Variants in BCAR3 observed in about 807,000 individuals in gnomAD.
BCAR3 encodes the protein breast cancer anti-estrogen resistance protein 3.
A neutral mutation model predicts 80.1 loss-of-function variants in BCAR3; 37 were observed. That is an observed-to-expected ratio of 0.46 (90% confidence interval 0.36 to 0.61). The LOEUF (loss-of-function observed/expected upper bound fraction) is 0.61. Ranked by LOEUF, BCAR3 falls within the 20% of genes least tolerant of loss-of-function variation. BCAR3 has a pLI of 0.00. For missense variants in BCAR3, 978 were observed against 1,068.2 expected (o/e 0.92, Z 1.18); for synonymous variants, 389 against 418.9 (o/e 0.93, Z 0.87).
chr1:93,635,784 A>T (rs1675762442), intron 3 of BCAR3, among the ~76,000 whole-genome samples: 1 of 152,226 alleles, frequency 6.6e-6, no homozygotes, highest in South Asian at 2.1e-4. Context: ...AACTTGTTAA[A>T]ATCTCATGGA....
At chr1:93,788,641 G>A (rs59994448) in intron 2 of BCAR3, among the ~76,000 whole-genome samples, 21,564 of 152,108 alleles carry the variant, frequency 0.14, 2,499 homozygotes, top group African/African-American at 0.31. Context: ...ATTGGACCCC[G>A]ATCCCATTGG....
chr1:93,759,667 T>C (rs1422822844), intron 2 of BCAR3, among the ~76,000 whole-genome samples: 1 of 152,140 alleles, frequency 6.6e-6, no homozygotes, highest in Non-Finnish European at 1.5e-5. Flanking sequence ...CACTAAATGA[T>C]TCAGGGGAGA....
At chr1:93,672,893 G>A (rs547988227) in intron 2 of BCAR3, among the ~76,000 whole-genome samples, 8 of 152,178 alleles carry the variant, frequency 5.3e-5, no homozygotes, top group Non-Finnish European at 7.4e-5. Flanking sequence ...ACTCTTGTTC[G>A]CCTAGCTTTG....
At chr1:93,660,766 G>C (rs1355675182) in intron 2 of BCAR3, among the ~76,000 whole-genome samples, 3 of 152,274 alleles carry the variant, frequency 2.0e-5, no homozygotes, top group Admixed American at 2.0e-4. Context: ...CCAGCCCAGA[G>C]TGCAATGGCA....
At chr1:93,663,059 T>C (rs1288050506) in intron 2 of BCAR3, among the ~76,000 whole-genome samples, 1 of 152,194 alleles carries the variant, frequency 6.6e-6, no homozygotes, top group African/African-American at 2.4e-5. Flanking sequence ...TTAGAGTCTC[T>C]TGTCATGGCC....
intron 2 of BCAR3, among the ~76,000 whole-genome samples, chr1:93,757,178 C>T (rs889813820): frequency 2.0e-5 from 3 of 152,172 alleles, no homozygotes; most frequent in Non-Finnish European, 4.4e-5. Flanking sequence ...TTACTCCTGT[C>T]TTCTGTTATA....
Position 93,661,301 on chromosome 1 carries a change from AG to A in BCAR3, c.317+13312del, listed in dbSNP as rs368910030. On this transcript the variant is annotated intron_variant, in intron 2 of 11. Transcript: ENST00000260502. Reference sequence around the variant, plus strand: ...TGATCCACCCACCTCAGCCTCCCAAAGTGCTGGGATTACAGGTGTAAGCCAC... The same window carrying A: ...TGATCCACCCACCTCAGCCTCCCAAATGCTGGGATTACAGGTGTAAGCCAC... 7.2e-4 allele frequency among the ~76,000 whole-genome samples: 109 copies of A among 152,164 alleles called. 2 individuals are homozygous for A. In the South Asian group the frequency reaches 0.015, roughly 21 times the overall value.
chr1:93,645,837 T>G (rs1000054255), intron 2 of BCAR3, among the ~76,000 whole-genome samples: 3 of 151,900 alleles, frequency 2.0e-5, no homozygotes, highest in Non-Finnish European at 1.5e-5. Context: ...TTTTTCTCCC[T>G]GTAGCTTATA....
At chr1:93,693,034 G>A (rs1433944362) in intron 3 of BCAR3, among the ~76,000 whole-genome samples, 1 of 152,156 alleles carries the variant, frequency 6.6e-6, no homozygotes, top group South Asian at 2.1e-4. Flanking sequence ...CCGTCCTGGG[G>A]CTGTGGAGCA....
At chr1:93,589,913 G>A (rs1674101835) in intron 4 of BCAR3, among the ~76,000 whole-genome samples, 1 of 152,330 alleles carries the variant, frequency 6.6e-6, no homozygotes, top group South Asian at 2.1e-4. Flanking sequence ...TAAGAAATGA[G>A]AAAATGTGTG....
At chr1:93,758,510 G>A (rs1374023757) in intron 2 of BCAR3, among the ~76,000 whole-genome samples, 1 of 152,164 alleles carries the variant, frequency 6.6e-6, no homozygotes, top group Non-Finnish European at 1.5e-5. Flanking sequence ...ACCCCTAATC[G>A]GGAGCCAGTT....
intron 2 of BCAR3, among the ~76,000 whole-genome samples, chr1:93,722,157 A>G (rs1312744606): frequency 2.0e-5 from 3 of 152,152 alleles, no homozygotes; most frequent in East Asian, 1.9e-4. Flanking sequence ...GGACAGGCCT[A>G]TGGAAGGGAG....
rs747884735 is a variant in BCAR3 at position 93,567,433 on chromosome 1, C to T, written c.2145G>A (p.Thr715=). The T allele has an allele frequency of 3.4e-5, 54 of 1,593,962 alleles. No individual in the cohort carries two copies. The highest frequency in any genetic ancestry group is 1.7e-4 in the Middle Eastern group (1 of 5,980). The change falls in exon 11 of 12, where the codon ACG becomes ACA. Residue 715 remains threonine, a synonymous_variant. Transcript: ENST00000260502. ...AAGTCACAGCCTGGCGCTCCATTAA[C>T]GTCACAAGCGGCATCAGCAGTGGGA... ...VSVPLLMPLV[T]LMERQAVTFE... is the part of the protein sequence containing the mutation.
At chr1:93,749,889 A>ATTT (rs368121693) in intron 2 of BCAR3, among the ~76,000 whole-genome samples, 1 of 133,474 alleles carries the variant, frequency 7.5e-6, no homozygotes, top group Admixed American at 7.5e-5. Flanking sequence ...ATCTTGACTT[A>ATTT]TTTTTTTTTT....
chr1:93,798,687 C>T (rs539098547), intron 2 of BCAR3, among the ~76,000 whole-genome samples: 1 of 152,272 alleles, frequency 6.6e-6, no homozygotes, highest in East Asian at 1.9e-4. Flanking sequence ...CAAGAAATTG[C>T]TCTCTATGAT....
At chr1:93,656,831 A>C (rs1647406351) in intron 2 of BCAR3, among the ~76,000 whole-genome samples, 1 of 152,092 alleles carries the variant, frequency 6.6e-6, no homozygotes, top group South Asian at 2.1e-4. Flanking sequence ...TCAGCCTCTC[A>C]AAGTGGTAGG....
upstream of BCAR3, among the ~76,000 whole-genome samples, chr1:93,686,293 C>A (rs935452638): frequency 1.1e-4 from 16 of 152,146 alleles, no homozygotes; most frequent in African/African-American, 3.9e-4. Flanking sequence ...GTAGTACCAG[C>A]TACTCGGGAG....
intron 3 of BCAR3, among the ~76,000 whole-genome samples, chr1:93,703,330 C>A (rs1649712909): frequency 6.6e-6 from 1 of 152,146 alleles, no homozygotes; most frequent in South Asian, 2.1e-4. Flanking sequence ...AATCCCAGTA[C>A]TTTGGGAGGC....
rs1292524584 is a variant in BCAR3, at chr1:93,675,215, T to C, written c.-11-274A>G. The stretch of plus-strand genomic sequence containing the variant: ...AGAGTTGTTAGAGGCATATAAGCCA[T>C]GCACAACCAGCAAAAAAAGATGATT... On this transcript the variant is annotated intron_variant, in intron 1 of 11. Transcript: ENST00000260502. Among the ~76,000 whole-genome samples, 6 of 152,142 alleles carry C rather than the reference T, an allele frequency of 3.9e-5. 1 individual carries two copies. Among genetic ancestry groups the C allele is most frequent in the Admixed American group, 2.0e-4 (3 of 15,288 alleles).
Sources: allele counts gnomAD v4.1 joint callset (sites outside exome capture counted in the v4.1 genomes callset), GRCh38; gene constraint gnomAD v4.1.1; transcripts MANE v1.5; gene names NCBI Gene and HGNC (gene_info 2026-07-23, HGNC 2026-07-21).